OLFML2B: variants seen among roughly 807,000 people sequenced by gnomAD.
OLFML2B encodes olfactomedin-like protein 2B.
Under a neutral mutation model 74.9 loss-of-function variants are expected in OLFML2B, and 57 were observed. That is an observed-to-expected ratio of 0.76 (90% CI 0.61 to 0.95). OLFML2B has a LOEUF of 0.95. Among genes scored for constraint, OLFML2B ranks in the 40% least tolerant of loss-of-function variants. The pLI, the probability that OLFML2B is intolerant of heterozygous loss-of-function variation, is 0.00. For missense variants in OLFML2B, 986 were observed against 970.6 expected, an observed-to-expected ratio of 1.02 and a Z score of -0.21; for synonymous variants, 388 against 405.8, an observed-to-expected ratio of 0.96 and a Z score of 0.53.
intron 6 of OLFML2B, among the ~76,000 whole-genome samples, chr1:161,996,606 A>G (rs183430037): frequency 6.6e-6 from 1 of 152,372 alleles, no homozygotes; most frequent in Non-Finnish European, 1.5e-5. Flanking sequence ...TTATTACTCA[A>G]TAGTGTTATT....
At chr1:162,013,258 C>A (rs1040113852) in intron 3 of OLFML2B, among the ~76,000 whole-genome samples, 50 of 152,324 alleles carry the variant, frequency 3.3e-4, no homozygotes, top group Non-Finnish European at 5.6e-4. Flanking sequence ...CCTTCCCCTT[C>A]CCAGCCACTC....
chr1:161,995,566 G>T (rs2101954864), intron 6 of OLFML2B, among the ~76,000 whole-genome samples: 1 of 152,304 alleles, frequency 6.6e-6, no homozygotes, highest in Admixed American at 6.5e-5. Context: ...CCTGCTGATG[G>T]CAAAGTCCTG....
Position 161,984,109 on chromosome 1 carries a change from C to G in OLFML2B, c.1819G>C (p.Glu607Gln). ...AWAMLHDVAY[E>Q]EATPWRWQGH... ...TGCCATCGCCAGGGGGTGGCCTCCT[C>G]GTAGGCCACGTCATGCAGCATGGCC... is the stretch of plus-strand genomic sequence containing the variant. The change falls in exon 8 of 8, where the codon GAG (glutamate) becomes CAG (glutamine). Residue 607 changes from glutamate to glutamine, a missense_variant. Coordinates refer to ENST00000294794, the MANE Select transcript of OLFML2B (RefSeq NM_015441.3). 5 of 1,611,290 alleles carry G rather than the reference C, an allele frequency of 3.1e-6. No homozygotes were observed. The highest frequency in any genetic ancestry group is 4.2e-6 in the Non-Finnish European group (5 of 1,178,106).
At chr1:162,010,144 C>T (rs6699368) in intron 3 of OLFML2B, among the ~76,000 whole-genome samples, 150,231 of 152,336 alleles carry the variant, frequency 0.99, 74,103 homozygotes, top group Middle Eastern at 1. Flanking sequence ...AAAGAGCAGA[C>T]AGATAGAGGG....
At chr1:161,988,734 C>G (rs1689656614) in intron 6 of OLFML2B, among the ~76,000 whole-genome samples, 1 of 152,094 alleles carries the variant, frequency 6.6e-6, no homozygotes, top group African/African-American at 2.4e-5. Flanking sequence ...CCTCCCTCCT[C>G]ATTCTTCCTG....
At chr1:161,992,334 T>C (rs1689765044) in intron 6 of OLFML2B, among the ~76,000 whole-genome samples, 1 of 152,268 alleles carries the variant, frequency 6.6e-6, no homozygotes, top group South Asian at 2.1e-4. Flanking sequence ...GGGAATGTCG[T>C]GGTTGGACTG....
At position 161,984,853 on chromosome 1, in the gene OLFML2B, G is replaced by GT; in HGVS notation, c.1601dup (p.Tyr534Ter). The change falls in exon 7 of 8, where the codon TAC becomes TAAC. Residue 534 changes from tyrosine to a stop codon, truncating the protein, a stop_gained and frameshift_variant. Transcript: ENST00000294794. LOFTEE classifies it high-confidence loss of function. Reference protein sequence around the residue: ...KDERIYVTNYYYGNTLVEFRN... With the variant: ...KDERIYVTNY ...GGAACTCTACCAGGGTGTTGCCGTAGTAATAGTTGGTTACGTAAATCCGCT... is the reference window on the plus strand; with the variant it reads ...GGAACTCTACCAGGGTGTTGCCGTAGTTAATAGTTGGTTACGTAAATCCGCT... 6.2e-7 allele frequency: 1 copy of GT among 1,613,278 alleles called. No homozygotes were observed. Among genetic ancestry groups the GT allele is most frequent in the Non-Finnish European group, 8.5e-7 (1 of 1,179,902 alleles).
chr1:161,996,430 C>A (rs1238584585), intron 6 of OLFML2B, among the ~76,000 whole-genome samples: 1 of 152,222 alleles, frequency 6.6e-6, no homozygotes, highest in African/African-American at 2.4e-5. Context: ...CTGGCAGGTA[C>A]TCCTTCACCG....
intron 6 of OLFML2B, among the ~76,000 whole-genome samples, chr1:161,993,416 G>A (rs1689798911): frequency 6.6e-6 from 1 of 152,110 alleles, no homozygotes; most frequent in Non-Finnish European, 1.5e-5. Flanking sequence ...GTCTGTGTTG[G>A]TCTCAATACA....
Position 162,023,469 on chromosome 1 carries a change from A to G in OLFML2B, c.-39T>C. 7.1e-7 allele frequency: 1 copy of G among 1,412,848 alleles called. No homozygotes were observed. Among genetic ancestry groups the G allele is most frequent in the Middle Eastern group, 1.9e-4 (1 of 5,230 alleles). 87.5% of individuals were successfully genotyped at this position (1,412,848 alleles called of 1,614,324 possible). A position where few individuals can be genotyped will look rare whatever the true frequency, so the allele number is the denominator to read the frequency against. On this transcript the variant is annotated 5_prime_UTR_variant, in exon 1 of 8. Transcript: ENST00000294794. Reference sequence around the variant, plus strand: ...AGAGTGTCCTCAGCCCCTTCAGAGAATGGCTGGGGCGGGGGGTCTCGGCAA... The same window carrying G: ...AGAGTGTCCTCAGCCCCTTCAGAGAGTGGCTGGGGCGGGGGGTCTCGGCAA...
chr1:161,992,080 GTT>G (rs1689757396), intron 6 of OLFML2B, among the ~76,000 whole-genome samples: 1 of 152,212 alleles, frequency 6.6e-6, no homozygotes, highest in South Asian at 2.1e-4. Context: ...AAAATCTGTT[GTT>G]TAGTGTAGCC....
chr1:162,017,321 C>G, intron 3 of OLFML2B, 79 bp downstream of exon 3: 2 of 1,052,164 alleles, frequency 1.9e-6, no homozygotes, highest in Non-Finnish European at 2.9e-6. Context: ...CATGTGCTAG[C>G]TGAAAATTTA....
intron 1 of OLFML2B, among the ~76,000 whole-genome samples, chr1:162,022,324 T>C (rs1469303740): frequency 6.8e-6 from 1 of 147,474 alleles, no homozygotes; most frequent in East Asian, 2.0e-4. Context: ...GATCTCCGCT[T>C]ACTGCAACCT....
intron 6 of OLFML2B, among the ~76,000 whole-genome samples, chr1:161,991,120 T>G (rs1191767514): frequency 6.6e-6 from 1 of 152,210 alleles, no homozygotes; most frequent in Non-Finnish European, 1.5e-5. Flanking sequence ...AGGGTTGGAA[T>G]CAACTTATTC....
Position 162,023,418 on chromosome 1 carries a change from G to C in OLFML2B, c.13C>G (p.Arg5Gly). The change falls in exon 1 of 8, where the codon CGG becomes GGG. Residue 5 changes from arginine to glycine, a missense_variant. Transcript: ENST00000294794. MAKP[R>G]LLVLYFALIV... ...AGAGCGAAGTAGAGAACTAGCAGCC[G>C]AGGCTTGGCCATGAGGGGCGCGATA... The C allele has an allele frequency of 6.4e-7, 1 of 1,570,216 alleles. No homozygotes were observed. The highest frequency in any genetic ancestry group is 1.2e-5 in the South Asian group (1 of 86,298).
intron 3 of OLFML2B, among the ~76,000 whole-genome samples, chr1:162,007,447 T>A (rs74567013): frequency 0.025 from 3,863 of 152,318 alleles, 165 homozygotes; most frequent in African/African-American, 0.088. Flanking sequence ...CTAGTTATTT[T>A]TAAAGAGATT....
In OLFML2B at chr1:161,983,506, C is replaced by G. The variant is rs1444736188; in HGVS notation, c.*169G>C. ...GCACATACACGTATGGATTGATCTACAATCCATATAAAAAAATAGACCCAA... is the reference window on the plus strand; with the variant it reads ...GCACATACACGTATGGATTGATCTAGAATCCATATAAAAAAATAGACCCAA... On this transcript the variant is annotated 3_prime_UTR_variant, in exon 8 of 8. Transcript: ENST00000294794. The G allele has an allele frequency of 7.2e-6, 5 of 691,502 alleles. No individual in the cohort carries two copies. The highest frequency in any genetic ancestry group is 1.2e-5 in the Non-Finnish European group (5 of 426,190). The allele number at this position is 691,502 out of a possible 1,614,324, so 42.8% of individuals were successfully genotyped here.
At chr1:162,020,954 G>A (rs558147225) in intron 1 of OLFML2B, among the ~76,000 whole-genome samples, 4 of 152,368 alleles carry the variant, frequency 2.6e-5, no homozygotes, top group South Asian at 4.1e-4. Context: ...GTGAGGTGCT[G>A]TGAAGGATAA....
At chr1:161,993,739 G>C (rs1009044228) in intron 6 of OLFML2B, among the ~76,000 whole-genome samples, 1 of 152,184 alleles carries the variant, frequency 6.6e-6, no homozygotes, top group African/African-American at 2.4e-5. Context: ...TCTGCCTGGA[G>C]AGTTCTTCTC....
Sources: allele counts gnomAD v4.1 joint callset (sites outside exome capture counted in the v4.1 genomes callset), GRCh38; gene constraint gnomAD v4.1.1; transcripts MANE v1.5; gene names NCBI Gene and HGNC (gene_info 2026-07-23, HGNC 2026-07-21).